MGA: variants seen among roughly 807,000 people sequenced by gnomAD.
MGA encodes the protein MAX dimerization protein MGA.
In MGA, 40 loss-of-function variants were observed where a neutral mutation model predicts 261.1. That is an observed-to-expected ratio of 0.15 (90% CI 0.12 to 0.20). The LOEUF (loss-of-function observed/expected upper bound fraction) is 0.20, where lower values mean the gene tolerates loss of function less well. Among genes scored for constraint, MGA ranks in the 10% least tolerant of loss-of-function variants. The pLI is 1.00. For missense variants in MGA, 3,397 were observed against 3,630.5 expected, an observed-to-expected ratio of 0.94 and a Z score of 1.65; for synonymous variants, 1,302 against 1,290.6, an observed-to-expected ratio of 1.01 and a Z score of -0.19.
intron 2 of MGA, among the ~76,000 whole-genome samples, chr15:41,694,264 A>G (rs951969773): frequency 6.6e-6 from 1 of 151,678 alleles, no homozygotes; most frequent in Admixed American, 6.6e-5. Flanking sequence ...AAAAATACAA[A>G]AATTAGCCGG....
intron 2 of MGA, among the ~76,000 whole-genome samples, chr15:41,676,440 C>T (rs1435972963): frequency 6.6e-6 from 1 of 152,216 alleles, no homozygotes; most frequent in Non-Finnish European, 1.5e-5. Flanking sequence ...AGGCGTGAGC[C>T]ACCGTGCCTG....
At chr15:41,744,792 T>C (rs995284480) in intron 15 of MGA, among the ~76,000 whole-genome samples, 11 of 152,248 alleles carry the variant, frequency 7.2e-5, no homozygotes, top group Admixed American at 7.2e-4. Context: ...CATTCACATA[T>C]TTTGCTGAGT....
At chr15:41,762,727 C>A (rs994575543) in intron 22 of MGA, among the ~76,000 whole-genome samples, 1 of 151,986 alleles carries the variant, frequency 6.6e-6, no homozygotes, top group African/African-American at 2.4e-5. Context: ...CCTTGGCCTC[C>A]CAAAGTGCTG....
At chr15:41,670,708 G>T (rs1342551358) in intron 2 of MGA, among the ~76,000 whole-genome samples, 1 of 152,042 alleles carries the variant, frequency 6.6e-6, no homozygotes, top group Non-Finnish European at 1.5e-5. Flanking sequence ...GGGTTTCACT[G>T]TGTTAGCCAG....
chr15:41,670,655 G>A (rs552627572), intron 2 of MGA, among the ~76,000 whole-genome samples: 4 of 152,186 alleles, frequency 2.6e-5, no homozygotes, highest in South Asian at 2.1e-4. Flanking sequence ...ACAGGCGCCC[G>A]TCACCACGCC....
chr15:41,669,011 A>G lies in MGA; in HGVS notation c.117A>G (p.Gly39=). Residue 39 remains glycine (G), a synonymous_variant, in exon 2 of 24, where the codon GGA becomes GGG. Coordinates refer to ENST00000219905, the MANE Select transcript of MGA (RefSeq NM_001164273.2). ...CAGGAAATGGCAAAACTGATCAAGG[A>G]ATTTTGGTTACTAATCAGGATGCCT... 6.2e-7 allele frequency: 1 copy of G among 1,613,678 alleles called. No homozygotes were observed. Among genetic ancestry groups the G allele is most frequent in the Non-Finnish European group, 8.5e-7 (1 of 1,179,640 alleles).
chr15:41,733,319 C>T (rs1595902071), intron 11 of MGA, among the ~76,000 whole-genome samples: 1 of 152,254 alleles, frequency 6.6e-6, no homozygotes, highest in East Asian at 1.9e-4. Context: ...GGAAAGAGGG[C>T]AGTCTCTCCT....
chr15:41,699,218 TCTC>T (rs763958329), intron 5 of MGA, 59 bp downstream of exon 5: 60 of 1,121,774 alleles, frequency 5.3e-5, no homozygotes, highest in Non-Finnish European at 6.8e-5. Context: ...CCCTACTGTT[TCTC>T]CTCTTTTTCC....
At chr15:41,698,746 TA>T in intron 3 of MGA, 116 bp from the exon 4 acceptor site, 1 of 709,952 alleles carries the variant, frequency 1.4e-6, no homozygotes. Flanking sequence ...AATGTTAGCG[TA>T]ACTGTAGGCA....
chr15:41,708,962 C>T (rs536657698), intron 7 of MGA, among the ~76,000 whole-genome samples: 1 of 152,280 alleles, frequency 6.6e-6, no homozygotes, highest in South Asian at 2.1e-4. Flanking sequence ...GCCAGTTTTC[C>T]AAAATACTTT....
chr15:41,715,672 A>T (rs1299826590), intron 9 of MGA, among the ~76,000 whole-genome samples: 2 of 152,198 alleles, frequency 1.3e-5, no homozygotes, highest in Non-Finnish European at 2.9e-5. Context: ...AAATTAAAAT[A>T]TATTAATGAC....
intron 1 of MGA, among the ~76,000 whole-genome samples, chr15:41,628,553 G>A (rs2056514286): frequency 6.6e-6 from 1 of 151,954 alleles, no homozygotes; most frequent in African/African-American, 2.4e-5. Context: ...GGAAGTGGTG[G>A]GAATAGTAAT....
chr15:41,738,763 A>G (rs534138029), intron 13 of MGA, among the ~76,000 whole-genome samples: 38 of 152,202 alleles, frequency 2.5e-4, no homozygotes, highest in Admixed American at 5.2e-4. Context: ...GGGAGGGGGT[A>G]TCTGACCTAT....
At position 41,669,785 on chromosome 15, in the gene MGA, T is replaced by C; in HGVS notation, c.891T>C (p.Gly297=). Residue 297 remains glycine (G), a synonymous_variant, in exon 2 of 24, where the codon GGT becomes GGC. Coordinates refer to ENST00000219905, the MANE Select transcript of MGA (RefSeq NM_001164273.2). ...GTCATCGGGTCCGTCTTACAGAAGG[T>C]CAGGGGTCAGAGATACAACCAGGTG... 1 of 1,613,934 alleles carries C rather than the reference T, an allele frequency of 6.2e-7. No homozygotes were observed. The highest frequency in any genetic ancestry group is 8.5e-7 in the Non-Finnish European group (1 of 1,179,866).
chr15:41,646,211 T>C lies in MGA; in HGVS notation c.-67-22617T>C, dbSNP rs542423919. Among the ~76,000 whole-genome samples, 12 of 152,338 alleles carry C rather than the reference T, an allele frequency of 7.9e-5. No homozygotes were observed. In the East Asian group the frequency reaches 1.5e-3, roughly 20 times the overall value. On this transcript the variant is annotated intron_variant, in intron 1 of 8. Coordinates refer to the MGA transcript ENST00000566718. ...TTAACTAACTATTGCTAAGTGACTT[T>C]CCTTGCTTGGCTAATAGAGGTGATA...
At chr15:41,665,045 A>G (rs8038783) in intron 1 of MGA, among the ~76,000 whole-genome samples, 107,700 of 152,034 alleles carry the variant, frequency 0.71, 40,262 homozygotes, top group East Asian at 0.89. Flanking sequence ...ATCTCTAGTC[A>G]TAATAGGAAA....
chr15:41,695,915 C>T (rs562345946), intron 2 of MGA, among the ~76,000 whole-genome samples, 160 bp from the exon 3 acceptor site: 1 of 151,692 alleles, frequency 6.6e-6, no homozygotes, highest in East Asian at 1.9e-4. Flanking sequence ...GGTTGTTAAT[C>T]ACCGTGTGGA....
At chr15:41,747,032 A>T (rs2062539389) in intron 15 of MGA, among the ~76,000 whole-genome samples, 1 of 151,606 alleles carries the variant, frequency 6.6e-6, no homozygotes, top group Admixed American at 6.6e-5. Context: ...ATTTCGAAAT[A>T]TGTCTTCCAA....
chr15:41,758,175 A>C (rs1193232045), intron 19 of MGA, among the ~76,000 whole-genome samples: 1 of 152,056 alleles, frequency 6.6e-6, no homozygotes, highest in African/African-American at 2.4e-5. Context: ...TCATGATTTT[A>C]AGTGATTTAA....
Sources: gnomAD v4.1 joint callset for allele counts (sites outside exome capture counted in the v4.1 genomes callset) on GRCh38, gnomAD v4.1.1 for gene constraint, MANE v1.5 for transcripts, NCBI Gene and HGNC (gene_info 2026-07-23, HGNC 2026-07-21) for gene names.